Variants in PRR5 observed in about 807,000 individuals in gnomAD.
PRR5 encodes proline rich 5.
PRR5 carries 25 observed loss-of-function variants against 30.6 expected under a neutral mutation model. That is an observed-to-expected ratio of 0.82 (90% CI 0.60 to 1.14). The LOEUF is 1.14. Ranked by LOEUF, PRR5 falls within the 50% of genes most tolerant of loss-of-function variation. The pLI is 0.00. For synonymous variants in PRR5, 286 were observed against 247.1 expected (o/e 1.16, Z -1.48); for missense variants, 600 against 547.1 (o/e 1.10, Z -0.96).
intron 1 of PRR5, among the ~76,000 whole-genome samples, chr22:44,694,285 C>T (rs576504353): frequency 6.6e-6 from 1 of 152,306 alleles, no homozygotes; most frequent in East Asian, 1.9e-4. Flanking sequence ...TGCCTGTAAT[C>T]CCAGGACTTT....
chr22:44,701,433 T>G (rs774845476), upstream of PRR5, among the ~76,000 whole-genome samples: 5 of 152,252 alleles, frequency 3.3e-5, no homozygotes, highest in East Asian at 5.8e-4. Flanking sequence ...GGGAGAAGAA[T>G]AATCTCTACC....
At chr22:44,705,905 C>A (rs540135499) in intron 1 of PRR5, among the ~76,000 whole-genome samples, 1 of 152,268 alleles carries the variant, frequency 6.6e-6, no homozygotes, top group South Asian at 2.1e-4. Flanking sequence ...AATTCTCCTG[C>A]TTCAGCCTCC....
rs1926500363 is a variant in PRR5, at chr22:44,702,569, C to A, written c.95C>A (p.Thr32Lys). 1 of 1,417,568 alleles carries A rather than the reference C, an allele frequency of 7.1e-7. No homozygotes were observed. Among genetic ancestry groups the A allele is most frequent in the Non-Finnish European group, 9.2e-7 (1 of 1,084,320 alleles). 87.8% of individuals were successfully genotyped at this position (1,417,568 alleles called of 1,614,324 possible). ...EPAAAADERG[T>K]QQRRACANAT... ...GCCGCCGCCGCGGACGAGCGGGGCA[C>A]GCAGCAGCGCCGGGCCTGCGCCAAC... The change falls in exon 1 of 8, where the codon ACG (threonine) becomes AAG (lysine). Residue 32 changes from threonine (T) to lysine (K), a missense_variant. By Grantham distance (78) the Thr-to-Lys change is moderately conservative. Coordinates refer to ENST00000336985, the MANE Select transcript of PRR5 (RefSeq NM_181333.4).
intron 1 of PRR5, among the ~76,000 whole-genome samples, chr22:44,692,556 ACTCCTCCACCCAGGG>A (rs1388164827): frequency 4.8e-5 from 3 of 62,304 alleles, no homozygotes; most frequent in East Asian, 1.1e-3. Flanking sequence ...TCCACCTGGC[ACTCCTCCACCCAGGG>A]CTCCTCCTCC....
chr22:44,680,031 G>C, intron 1 of PRR5: 1 of 700,606 alleles, frequency 1.4e-6, no homozygotes, highest in Non-Finnish European at 2.4e-6. Flanking sequence ...GAGTGAGTGT[G>C]TTTGGTGGGG....
chr22:44,726,729 A>G, intron 4 of PRR5, 95 bp downstream of exon 4: 1 of 1,580,002 alleles, frequency 6.3e-7, no homozygotes, highest in Non-Finnish European at 8.7e-7. Flanking sequence ...TCTGGGTGCA[A>G]GGTGTGGCTC....
At chr22:44,681,425 TA>T (rs1301369967) in intron 1 of PRR5, among the ~76,000 whole-genome samples, 1 of 151,964 alleles carries the variant, frequency 6.6e-6, no homozygotes, top group Non-Finnish European at 1.5e-5. Flanking sequence ...CTGTCTCTAC[TA>T]AAAATATAAA....
At chr22:44,698,652 G>C (rs189432513), upstream of PRR5, among the ~76,000 whole-genome samples, 1 of 152,208 alleles carries the variant, frequency 6.6e-6, no homozygotes, top group African/African-American at 2.4e-5. Flanking sequence ...GGCAGTAGCC[G>C]GGTGGGAGCT....
chr22:44,702,469 G>A lies in PRR5; in HGVS notation c.-6G>A. ...CGTGGGCGCGGCGCAGGCGGCCCGGGTCACCATGAGGACTCTCCGCAGGTT... is the reference window on the plus strand; with the variant it reads ...CGTGGGCGCGGCGCAGGCGGCCCGGATCACCATGAGGACTCTCCGCAGGTT... On this transcript the variant is annotated 5_prime_UTR_variant, in exon 1 of 8. Coordinates refer to ENST00000336985, the MANE Select transcript of PRR5 (RefSeq NM_181333.4). The A allele has an allele frequency of 7.2e-7, 1 of 1,389,044 alleles. No homozygotes were observed. The highest frequency in any genetic ancestry group is 9.4e-7 in the Non-Finnish European group (1 of 1,063,136). The allele number at this position is 1,389,044 out of a possible 1,614,324, so 86.0% of individuals were successfully genotyped here. A position where few individuals can be genotyped will look rare whatever the true frequency, so the allele number is the denominator to read the frequency against.
chr22:44,731,378 C>G (rs910565719), intron 4 of PRR5: 4 of 380,770 alleles, frequency 1.1e-5, no homozygotes, highest in South Asian at 5.3e-5. Flanking sequence ...CTGTGTGGCT[C>G]TCACTTGTGT....
intron 1 of PRR5, among the ~76,000 whole-genome samples, chr22:44,696,760 G>T (rs1925788225): frequency 3.1e-5 from 3 of 95,428 alleles, no homozygotes; most frequent in African/African-American, 1.5e-4. Flanking sequence ...TATTTGAGAT[G>T]CAGTCCTGCT....
upstream of PRR5, among the ~76,000 whole-genome samples, chr22:44,675,728 T>C (rs1923705092): frequency 6.6e-6 from 1 of 151,340 alleles, no homozygotes; most frequent in Non-Finnish European, 1.5e-5. Context: ...GTGGTGGGGC[T>C]TAAAACTCGG....
rs555857282 is a variant in PRR5 at position 44,694,426 on chromosome 22, G to A, written c.-10-8066G>A. ...GGTGGTGCATGCCTCCCAGCTACACGGGAGGTTGAGGTAAGAGGATCACTT... is the reference window on the plus strand; with the variant it reads ...GGTGGTGCATGCCTCCCAGCTACACAGGAGGTTGAGGTAAGAGGATCACTT... On this transcript the variant is annotated intron_variant, in intron 1 of 8. Transcript: ENST00000006251. 6.6e-5 allele frequency among the ~76,000 whole-genome samples: 10 copies of A among 152,280 alleles called. 1 individual carries two copies. The South Asian group carries it at 1.0e-3, about 16-fold the overall frequency.
At chr22:44,699,102 G>A (rs1457301240), upstream of PRR5, among the ~76,000 whole-genome samples, 3 of 152,234 alleles carry the variant, frequency 2.0e-5, no homozygotes, top group Non-Finnish European at 4.4e-5. Flanking sequence ...GCTGACTAGA[G>A]ATGCCTTTTT....
intron 1 of PRR5, among the ~76,000 whole-genome samples, chr22:44,677,656 G>T (rs4470428): frequency 6.6e-6 from 1 of 152,194 alleles, no homozygotes; most frequent in Non-Finnish European, 1.5e-5. Context: ...ACCAGCGGGG[G>T]ACATGTCAGA....
chr22:44,670,487 C>T (rs1037461302), intron 1 of PRR5, among the ~76,000 whole-genome samples: 3 of 152,232 alleles, frequency 2.0e-5, no homozygotes, highest in Admixed American at 6.5e-5. Context: ...TACCCCCACT[C>T]ATCCACCCAC....
intron 4 of PRR5, chr22:44,730,433 G>A (rs911567393): frequency 1.0e-6 from 1 of 985,300 alleles, no homozygotes; most frequent in African/African-American, 1.7e-5. Flanking sequence ...GCTCAGTCCA[G>A]GCAGAAAGGC....
intron 4 of PRR5, chr22:44,729,363 C>G (rs186711722): frequency 1.0e-6 from 1 of 985,310 alleles, no homozygotes; most frequent in East Asian, 1.1e-4. Context: ...AAGACGGACA[C>G]CAGCCTGCGC....
chr22:44,718,446 C>T (rs533243252), intron 2 of PRR5, among the ~76,000 whole-genome samples: 2 of 152,282 alleles, frequency 1.3e-5, no homozygotes, highest in Admixed American at 6.5e-5. Flanking sequence ...CTGCCAGCCT[C>T]AGCCTCCCAA....
Sources: gnomAD v4.1 joint callset for allele counts (sites outside exome capture counted in the v4.1 genomes callset) on GRCh38, gnomAD v4.1.1 for gene constraint, MANE v1.5 for transcripts, NCBI Gene and HGNC (gene_info 2026-07-23, HGNC 2026-07-21) for gene names.